Variants in GINS2 observed in about 807,000 individuals in gnomAD.
GINS2 encodes the protein DNA replication complex GINS protein PSF2.
GINS2 carries 23 observed loss-of-function variants against 21.2 expected under a neutral mutation model. The ratio of observed to expected loss-of-function variants is 1.08; its 90% confidence interval spans 0.78 to 1.53. The LOEUF (loss-of-function observed/expected upper bound fraction) is 1.53, where lower values mean the gene tolerates loss of function less well. Among genes scored for constraint, GINS2 ranks in the 40% most tolerant of loss-of-function variants. The pLI, the probability that GINS2 is intolerant of heterozygous loss-of-function variation, is 0.00. For synonymous variants in GINS2, 118 were observed against 85.6 expected, an observed-to-expected ratio of 1.38 and a Z score of -2.09; for missense variants, 323 against 233.9, an observed-to-expected ratio of 1.38 and a Z score of -2.49.
Position 85,678,622 on chromosome 16 carries a change from A to T in GINS2, c.350T>A (p.Val117Asp). The change falls in exon 4 of 5, where the codon GTC becomes GAC. Residue 117 changes from valine (V) to aspartate (D), a missense_variant. By Grantham distance (152) the Val-to-Asp change is radical (BLOSUM62 -3). Coordinates refer to ENST00000253462, the MANE Select transcript of GINS2 (RefSeq NM_016095.3). ...TATACGAGTGTCCCACATATCCTTGACCAGGGTCCGGATTTCGTCTGCCTT... is the reference window on the plus strand; with the variant it reads ...TATACGAGTGTCCCACATATCCTTGTCCAGGGTCCGGATTTCGTCTGCCTT... Reference protein sequence around the residue: ...IPKADEIRTLVKDMWDTRIAK... With the variant: ...IPKADEIRTLDKDMWDTRIAK... 1 of 1,613,906 alleles carries T rather than the reference A, an allele frequency of 6.2e-7. No individual in the cohort carries two copies. The highest frequency in any genetic ancestry group is 8.5e-7 in the Non-Finnish European group (1 of 1,179,932).
intron 3 of GINS2, among the ~76,000 whole-genome samples, chr16:85,680,282 G>A (rs1181994644): frequency 2.6e-5 from 4 of 152,194 alleles, no homozygotes; most frequent in Non-Finnish European, 4.4e-5. Context: ...ACAAGCCCAT[G>A]TTGTGTCCCC....
rs2053803697 is a variant in GINS2, at chr16:85,688,869, G to A, written c.30C>T (p.Ala10=). The A allele has an allele frequency of 1.3e-6, 2 of 1,542,372 alleles. No homozygotes were observed. The highest frequency in any genetic ancestry group is 1.8e-6 in the Non-Finnish European group (2 of 1,142,644). ...GGATAATGGTAACCAGCTCCTTCTC[G>A]GCGAGGAATTCGACCTCGGCAGCGT... The part of the protein sequence containing the change: MDAAEVEFL[A]EKELVTIIPN... Residue 10 remains alanine, a synonymous_variant, in exon 1 of 5, where the codon GCC becomes GCT. Transcript: ENST00000253462.
intron 2 of GINS2, among the ~76,000 whole-genome samples, chr16:85,684,948 C>T (rs2053762505): frequency 6.6e-6 from 1 of 151,966 alleles, no homozygotes; most frequent in Admixed American, 6.6e-5. Context: ...ACCAAACACC[C>T]AGCTAATTTT....
intron 2 of GINS2, among the ~76,000 whole-genome samples, chr16:85,686,868 A>C (rs1226195181): frequency 2.0e-5 from 3 of 152,234 alleles, no homozygotes; most frequent in African/African-American, 7.2e-5. Context: ...CTTATTTTTA[A>C]AATTTTAAAA....
Position 85,687,502 on chromosome 16 carries a change from T to C in GINS2, c.163A>G (p.Arg55Gly). 1 of 1,596,980 alleles carries C rather than the reference T, an allele frequency of 6.3e-7. No homozygotes were observed. The highest frequency in any genetic ancestry group is 8.5e-7 in the Non-Finnish European group (1 of 1,173,248). ...PLWLAINLKQ[R>G]QKCRLLPPEW... ...GGAGGGAGCAGGCGACATTTCTGTC[T>C]TTGTTTCAGGTTAATCGCCAGCCAC... The change falls in exon 2 of 5, where the codon AGA (arginine) becomes GGA (glycine). Residue 55 changes from arginine (R) to glycine (G), a missense_variant. Arg to Gly is a moderately radical substitution (Grantham distance 125). Coordinates refer to ENST00000253462, the MANE Select transcript of GINS2 (RefSeq NM_016095.3).
At chr16:85,684,010 T>A (rs145309666) in intron 2 of GINS2, among the ~76,000 whole-genome samples, 28 of 152,266 alleles carry the variant, frequency 1.8e-4, no homozygotes, top group Admixed American at 1.8e-3. Context: ...AAAAGAAACA[T>A]ATCCATGAAA....
intron 3 of GINS2, among the ~76,000 whole-genome samples, chr16:85,680,037 CCT>C (rs1344123287): frequency 6.6e-6 from 1 of 152,214 alleles, no homozygotes; most frequent in Non-Finnish European, 1.5e-5. Flanking sequence ...TCCCAGCAAA[CCT>C]CTGTGAGCCC....
chr16:85,677,865 T>G lies in GINS2; in HGVS notation c.*347A>C, dbSNP rs1261390320. On this transcript the variant is annotated 3_prime_UTR_variant, in exon 5 of 5. Coordinates refer to ENST00000253462, the MANE Select transcript of GINS2 (RefSeq NM_016095.3). ...TGGCCACTCCTGCTGTATCTACACC[T>G]ACCAGTCACTGAACACCTGCCCAAG... 4.7e-6 allele frequency: 1 copy of G among 212,934 alleles called. No homozygotes were observed. Among genetic ancestry groups the G allele is most frequent in the Non-Finnish European group, 9.5e-6 (1 of 105,434 alleles). The allele number at this position is 212,934 out of a possible 1,614,324, so 13.2% of individuals were successfully genotyped here.
intron 2 of GINS2, among the ~76,000 whole-genome samples, chr16:85,686,336 T>G (rs1463311868): frequency 6.6e-6 from 1 of 151,392 alleles, no homozygotes; most frequent in Non-Finnish European, 1.5e-5. Flanking sequence ...GAGAATGGTG[T>G]GAACCCAGGA....
intron 2 of GINS2, 126 bp from the exon 3 acceptor site, chr16:85,681,807 C>T: frequency 1.6e-6 from 1 of 618,558 alleles, no homozygotes; most frequent in South Asian, 2.1e-5. Flanking sequence ...CATGAAAAAA[C>T]ATTTTGGGAT....
At chr16:85,679,711 C>A (rs1188774059) in intron 3 of GINS2, among the ~76,000 whole-genome samples, 1 of 152,116 alleles carries the variant, frequency 6.6e-6, no homozygotes, top group Admixed American at 6.5e-5. Flanking sequence ...ACTTCAAAAA[C>A]AAAAAATGGA....
intron 2 of GINS2, among the ~76,000 whole-genome samples, chr16:85,687,116 G>C (rs1039213098): frequency 1.3e-5 from 2 of 152,242 alleles, no homozygotes; most frequent in African/African-American, 4.8e-5. Flanking sequence ...AGCTACTTGG[G>C]AGGCTGAGGC....
intron 3 of GINS2, among the ~76,000 whole-genome samples, chr16:85,681,014 A>T (rs1021272501): frequency 1.4e-4 from 21 of 152,226 alleles, no homozygotes; most frequent in Admixed American, 1.4e-3. Context: ...AATGAATGGA[A>T]AGCTGAGCGG....
rs1223776898 is a variant in GINS2 at position 85,676,491 on chromosome 16, G to C, written c.*1721C>G. On this transcript the variant is annotated 3_prime_UTR_variant, in exon 5 of 5. Coordinates refer to ENST00000253462, the MANE Select transcript of GINS2 (RefSeq NM_016095.3). ...CTCATCTTTTGGTCCCAGTCTTCCA[G>C]GTCTGACCCTTCAGTGTCCAAATAA... 2.0e-5 allele frequency: 3 copies of C among 152,240 alleles called. No homozygotes were observed. The highest frequency in any genetic ancestry group is 4.4e-5 in the Non-Finnish European group (3 of 68,068). 9.4% of individuals were successfully genotyped at this position (152,240 alleles called of 1,614,324 possible).
At chr16:85,679,298 C>T (rs945207436) in intron 3 of GINS2, among the ~76,000 whole-genome samples, 2 of 152,232 alleles carry the variant, frequency 1.3e-5, no homozygotes, top group Non-Finnish European at 2.9e-5. Context: ...TAGCAAAATT[C>T]TGGCTAGAAG....
Position 85,679,402 on chromosome 16 carries a change from A to G in GINS2, c.306-736T>C, listed in dbSNP as rs2053713608. ...CTAACCTTTGAAGAAAAACTACACG[A>G]TAAAAGCAGAAGCAAATATTGTTCG... On this transcript the variant is annotated intron_variant, in intron 3 of 4. Transcript: ENST00000253462. Among the ~76,000 whole-genome samples, 3 of 152,282 alleles carry G rather than the reference A, an allele frequency of 2.0e-5. No homozygotes were observed. The South Asian group carries it at 6.2e-4, about 31-fold the overall frequency.
In GINS2 at chr16:85,678,026, C is replaced by T. The variant is rs956056781; in HGVS notation, c.*186G>A. The T allele has an allele frequency of 7.1e-5, 39 of 549,750 alleles. No homozygotes were observed. Among genetic ancestry groups the T allele is most frequent in the Middle Eastern group, 4.9e-4 (1 of 2,022 alleles). The allele number at this position is 549,750 out of a possible 1,614,324, so 34.1% of individuals were successfully genotyped here. A position where few individuals can be genotyped will look rare whatever the true frequency, so the allele number is the denominator to read the frequency against. On this transcript the variant is annotated 3_prime_UTR_variant, in exon 5 of 5. Transcript: ENST00000253462. ...AAACAGATGTGGAATTGAAGAATGT[C>T]CCAGGGAGCTAAGTTTTAAGGACTA... is the stretch of plus-strand genomic sequence containing the variant.
Position 85,678,175 on chromosome 16 carries a change from C to CA in GINS2, c.*36dup. 1 of 1,604,926 alleles carries CA rather than the reference C, an allele frequency of 6.2e-7. No homozygotes were observed. On this transcript the variant is annotated 3_prime_UTR_variant, in exon 5 of 5. Transcript: ENST00000253462. Reference sequence around the variant, plus strand: ...AGTACCTCATCACGTCCTGAGCGCTCACATCCCCCAGCAAGCCGCCTGCAC... The same window carrying CA: ...AGTACCTCATCACGTCCTGAGCGCTCAACATCCCCCAGCAAGCCGCCTGCAC...
chr16:85,679,245 C>T (rs2053711936), intron 3 of GINS2, among the ~76,000 whole-genome samples: 1 of 152,204 alleles, frequency 6.6e-6, no homozygotes, highest in African/African-American at 2.4e-5. Flanking sequence ...TCAAAAATCA[C>T]AGAAGAAACT....
Sources: gnomAD v4.1 joint callset for allele counts (sites outside exome capture counted in the v4.1 genomes callset) on GRCh38, gnomAD v4.1.1 for gene constraint, MANE v1.5 for transcripts, NCBI Gene and HGNC (gene_info 2026-07-23, HGNC 2026-07-21) for gene names.